Variants in MGAT4A observed in about 807,000 individuals in gnomAD.
MGAT4A encodes the protein alpha-1,3-mannosyl-glycoprotein 4-beta-N-acetylglucosaminyltransferase A.
Under a neutral mutation model 74.1 loss-of-function variants are expected in MGAT4A, and 33 were observed. The ratio of observed to expected loss-of-function variants is 0.45; its 90% confidence interval spans 0.34 to 0.60. The LOEUF is 0.60. Ranked by LOEUF, MGAT4A falls within the 20% of genes least tolerant of loss-of-function variation. The probability of loss-of-function intolerance (pLI) is 0.02; values close to 1 mark genes in which losing one functional copy is unlikely to be tolerated. For missense variants in MGAT4A, 479 were observed against 628.3 expected, an observed-to-expected ratio of 0.76 and a Z score of 2.54; for synonymous variants, 198 against 210.4, an observed-to-expected ratio of 0.94 and a Z score of 0.51.
At position 98,643,962 on chromosome 2, in the gene MGAT4A, A is replaced by G; in HGVS notation, c.981T>C (p.His327=). ...GGTTGCAGACTTTCACCCAGAGAAT[A>G]TGGTCCAGGAGCCAATCAATGGGTT... ...KEKPIDWLLD[H]ILWVKVCNPE... Residue 327 remains histidine (H), a synonymous_variant, in exon 10 of 16, where the codon CAT becomes CAC. Coordinates refer to ENST00000393487, the MANE Select transcript of MGAT4A (RefSeq NM_012214.3). The G allele has an allele frequency of 6.3e-7, 1 of 1,576,432 alleles. No homozygotes were observed. Among genetic ancestry groups the G allele is most frequent in the Non-Finnish European group, 8.7e-7 (1 of 1,155,478 alleles).
chr2:98,673,227 G>A (rs1575262180), intron 4 of MGAT4A, among the ~76,000 whole-genome samples: 1 of 152,064 alleles, frequency 6.6e-6, no homozygotes, highest in Non-Finnish European at 1.5e-5. Flanking sequence ...GCTATTCTAA[G>A]TGCTGTTCCC....
rs1701050536 is a variant in MGAT4A at position 98,620,731 on chromosome 2, G to T, written c.*4835C>A. On this transcript the variant is annotated 3_prime_UTR_variant, in exon 16 of 16. Transcript: ENST00000393487. ...GGCAAAGGTTATTTTTGCTCTTAAT[G>T]TATCTAAAATACCACTGTTAATCAT... 6.6e-6 allele frequency: 1 copy of T among 152,146 alleles called. No individual in the cohort carries two copies. The highest frequency in any genetic ancestry group is 1.5e-5 in the Non-Finnish European group (1 of 68,032). 9.4% of individuals were successfully genotyped at this position (152,146 alleles called of 1,614,324 possible). A position where few individuals can be genotyped will look rare whatever the true frequency, so the allele number is the denominator to read the frequency against.
At chr2:98,706,214 A>G (rs897782512) in intron 2 of MGAT4A, among the ~76,000 whole-genome samples, 5 of 152,164 alleles carry the variant, frequency 3.3e-5, no homozygotes, top group African/African-American at 1.2e-4. Flanking sequence ...TGAAAATTCT[A>G]GACAATAGCC....
rs750252512 is a variant in MGAT4A at position 98,678,291 on chromosome 2, A to T, written c.262+13T>A. 13 of 1,207,786 alleles carry T rather than the reference A, an allele frequency of 1.1e-5. No homozygotes were observed. Among genetic ancestry groups the T allele is most frequent in the Non-Finnish European group, 1.4e-5 (13 of 929,260 alleles). 74.8% of individuals were successfully genotyped at this position (1,207,786 alleles called of 1,614,324 possible). A position where few individuals can be genotyped will look rare whatever the true frequency, so the allele number is the denominator to read the frequency against. On this transcript the variant is annotated intron_variant, in intron 3 of 15. Transcript: ENST00000393487. ...ATAAAATCTTTTTATAATATAAAAA[A>T]TACTGTTTGTACCTGAAAACTTATT...
At chr2:98,701,467 C>T (rs1005640789) in intron 2 of MGAT4A, among the ~76,000 whole-genome samples, 1 of 152,150 alleles carries the variant, frequency 6.6e-6, no homozygotes, top group African/African-American at 2.4e-5. Context: ...TCAGTGTAGT[C>T]CCCTCTCATA....
At chr2:98,672,043 A>G (rs1227065077) in intron 4 of MGAT4A, among the ~76,000 whole-genome samples, 4 of 149,132 alleles carry the variant, frequency 2.7e-5, no homozygotes, top group African/African-American at 9.9e-5. Flanking sequence ...CTGCCTTCCC[A>G]AACTGTAAGA....
intron 14 of MGAT4A, among the ~76,000 whole-genome samples, chr2:98,631,293 G>T (rs1199021583): frequency 6.6e-6 from 1 of 152,192 alleles, no homozygotes; most frequent in Non-Finnish European, 1.5e-5. Flanking sequence ...TTAAATTCAG[G>T]CCCCTCTCCA....
chr2:98,708,661 C>A (rs1702474405), intron 2 of MGAT4A, among the ~76,000 whole-genome samples: 1 of 152,146 alleles, frequency 6.6e-6, no homozygotes, highest in African/African-American at 2.4e-5. Flanking sequence ...GAGTAAACAA[C>A]AGATTTTTGC....
In MGAT4A at chr2:98,640,155, T is replaced by G; in HGVS notation, c.1094A>C (p.His365Pro). The change falls in exon 11 of 16, where the codon CAC becomes CCC. Residue 365 changes from histidine (H) to proline (P), a missense_variant. His to Pro is a moderately conservative substitution (Grantham distance 77, BLOSUM62 -2). This residue lies in a region of MGAT4A where 236 missense variants were observed against 308.2 expected (regional missense o/e 0.77). Coordinates refer to ENST00000393487, the MANE Select transcript of MGAT4A (RefSeq NM_012214.3). Reference sequence around the variant, plus strand: ...TTGGATTTTTCCTGATAGTGATGAGTGCAGACCAACATGTTGGAAAAGGGA... The same window carrying G: ...TTGGATTTTTCCTGATAGTGATGAGGGCAGACCAACATGTTGGAAAAGGGA... ...RPSLFQHVGL[H>P]SSLSGKIQKL... 6.2e-7 allele frequency: 1 copy of G among 1,613,994 alleles called. No individual in the cohort carries two copies. The highest frequency in any genetic ancestry group is 8.5e-7 in the Non-Finnish European group (1 of 1,179,982).
intron 13 of MGAT4A, among the ~76,000 whole-genome samples, chr2:98,635,731 G>A (rs1365888163): frequency 6.6e-6 from 1 of 152,082 alleles, no homozygotes; most frequent in Non-Finnish European, 1.5e-5. Flanking sequence ...AGTGGCTCAT[G>A]CCTGTAATCT....
intron 8 of MGAT4A, among the ~76,000 whole-genome samples, chr2:98,654,277 C>T (rs1274906320): frequency 6.6e-6 from 1 of 152,120 alleles, no homozygotes; most frequent in African/African-American, 2.4e-5. Flanking sequence ...ACTTTCACCA[C>T]TACTAGTCAA....
intron 2 of MGAT4A, among the ~76,000 whole-genome samples, chr2:98,681,988 G>T (rs1043806113): frequency 3.3e-5 from 5 of 152,080 alleles, no homozygotes; most frequent in African/African-American, 1.2e-4. Context: ...GATGGTAATG[G>T]ATTATAACCC....
chr2:98,704,787 T>C (rs550178089), intron 2 of MGAT4A, among the ~76,000 whole-genome samples: 1 of 151,754 alleles, frequency 6.6e-6, no homozygotes, highest in South Asian at 2.1e-4. Flanking sequence ...AAAAAAAAAG[T>C]ACTATGCCAA....
chr2:98,696,625 G>C (rs111507618), intron 2 of MGAT4A, among the ~76,000 whole-genome samples: 10 of 152,326 alleles, frequency 6.6e-5, no homozygotes, highest in African/African-American at 2.2e-4. Flanking sequence ...TAAAAGTTTA[G>C]TCCTTTTCCA....
Position 98,624,807 on chromosome 2 carries a change from T to C in MGAT4A, c.*759A>G, listed in dbSNP as rs1423091106. The C allele has an allele frequency of 1.0e-6, 1 of 985,448 alleles. No individual in the cohort carries two copies. Among genetic ancestry groups the C allele is most frequent in the Non-Finnish European group, 1.2e-6 (1 of 829,530 alleles). The allele number at this position is 985,448 out of a possible 1,614,324, so 61.0% of individuals were successfully genotyped here. On this transcript the variant is annotated 3_prime_UTR_variant, in exon 16 of 16. Transcript: ENST00000393487. ...ACTGACTTTCTGTGGCTATACACCA[T>C]ACACAGTATAGTAAAGTAACCCTCA...
chr2:98,643,856 C>A, intron 10 of MGAT4A, 67 bp downstream of exon 10: 1 of 1,374,682 alleles, frequency 7.3e-7, no homozygotes, highest in South Asian at 2.0e-5. Flanking sequence ...TTTGCAAAAT[C>A]TCTAAAAGTC....
chr2:98,679,414 AAAAAAAAAAAAAAAAG>A (rs1337818479), intron 2 of MGAT4A, among the ~76,000 whole-genome samples: 1 of 145,960 alleles, frequency 6.9e-6, no homozygotes. Flanking sequence ...TCAAAAAAAA[AAAAAAAAAAAAAAAAG>A]AGACCAGCCT....
chr2:98,722,942 A>G (rs1247975614), intron 2 of MGAT4A, among the ~76,000 whole-genome samples: 1 of 152,122 alleles, frequency 6.6e-6, no homozygotes, highest in Non-Finnish European at 1.5e-5. Context: ...CTGGCAAGAC[A>G]GACACGTAAC....
At chr2:98,664,750 TA>T (rs1701800189) in intron 4 of MGAT4A, among the ~76,000 whole-genome samples, 1 of 152,202 alleles carries the variant, frequency 6.6e-6, no homozygotes, top group South Asian at 2.1e-4. Context: ...CTATTATAAT[TA>T]GGTTCTTATC....
Sources: gnomAD v4.1 joint callset for allele counts (sites outside exome capture counted in the v4.1 genomes callset) on GRCh38, gnomAD v4.1.1 for gene constraint, gnomAD v4.1.1 regional missense constraint, MANE v1.5 for transcripts, NCBI Gene and HGNC (gene_info 2026-07-23, HGNC 2026-07-21) for gene names.